UBE2W: variants seen among roughly 807,000 people sequenced by gnomAD.
UBE2W encodes ubiquitin-conjugating enzyme E2 W.
In UBE2W, 18 loss-of-function variants were observed where a neutral mutation model predicts 27.2. The observed-to-expected ratio is 0.66, with a 90% CI of 0.46 to 0.98. The LOEUF (loss-of-function observed/expected upper bound fraction) is 0.98, where lower values mean the gene tolerates loss of function less well. Ranked by LOEUF, UBE2W falls within the 50% of genes least tolerant of loss-of-function variation. The pLI, the probability that UBE2W is intolerant of heterozygous loss-of-function variation, is 0.00. For missense variants in UBE2W, 90 were observed against 180.2 expected, an observed-to-expected ratio of 0.50 and a Z score of 2.87; for synonymous variants, 53 against 57.2, an observed-to-expected ratio of 0.93 and a Z score of 0.33.
At chr8:73,854,446 G>A (rs1344589841) in intron 1 of UBE2W, among the ~76,000 whole-genome samples, 1 of 152,082 alleles carries the variant, frequency 6.6e-6, no homozygotes, top group Non-Finnish European at 1.5e-5. Context: ...TAGTCTCAAA[G>A]GAATAAACAT....
At chr8:73,816,551 G>A (rs1055690392) in intron 3 of UBE2W, among the ~76,000 whole-genome samples, 2 of 152,188 alleles carry the variant, frequency 1.3e-5, no homozygotes, top group Non-Finnish European at 2.9e-5. Flanking sequence ...TGAGGATGAA[G>A]AGGAAGGTAA....
At chr8:73,850,339 T>C (rs1811019702) in intron 1 of UBE2W, among the ~76,000 whole-genome samples, 1 of 152,156 alleles carries the variant, frequency 6.6e-6, no homozygotes, top group South Asian at 2.1e-4. Context: ...TGGCATTATC[T>C]AGTAAAACGG....
At chr8:73,819,589 C>T (rs1171536616) in intron 3 of UBE2W, among the ~76,000 whole-genome samples, 3 of 152,140 alleles carry the variant, frequency 2.0e-5, no homozygotes, top group Non-Finnish European at 4.4e-5. Flanking sequence ...AGAATATGTA[C>T]ATAGAAAGCT....
intron 3 of UBE2W, among the ~76,000 whole-genome samples, chr8:73,820,937 ACT>A (rs1809587533): frequency 6.6e-6 from 1 of 152,020 alleles, no homozygotes; most frequent in African/African-American, 2.4e-5. Context: ...ACAAAGGGAG[ACT>A]CTGTCTCCGC....
chr8:73,782,759 T>C (rs147606039), downstream of UBE2W, among the ~76,000 whole-genome samples: 2 of 152,338 alleles, frequency 1.3e-5, no homozygotes, highest in Non-Finnish European at 2.9e-5. Flanking sequence ...TGTGGACATA[T>C]GCTTTCTTTT....
chr8:73,807,682 T>C (rs574451722), intron 4 of UBE2W, among the ~76,000 whole-genome samples: 2 of 152,328 alleles, frequency 1.3e-5, no homozygotes, highest in South Asian at 2.1e-4. Flanking sequence ...TTGGTACTAC[T>C]AGAGCAGATA....
At chr8:73,868,566 G>T (rs1036508164) in intron 1 of UBE2W, among the ~76,000 whole-genome samples, 2 of 152,316 alleles carry the variant, frequency 1.3e-5, no homozygotes, top group South Asian at 2.1e-4. Context: ...GACACAAGTC[G>T]TGGGTAACCT....
chr8:73,812,977 C>A (rs1363798770), intron 3 of UBE2W, among the ~76,000 whole-genome samples: 3 of 147,410 alleles, frequency 2.0e-5, no homozygotes, highest in Non-Finnish European at 4.5e-5. Flanking sequence ...CGCACTCCAG[C>A]CTGGGCGACA....
At chr8:73,837,390 G>C (rs1014053693) in intron 1 of UBE2W, among the ~76,000 whole-genome samples, 2 of 152,102 alleles carry the variant, frequency 1.3e-5, no homozygotes, top group Non-Finnish European at 2.9e-5. Flanking sequence ...GTAAGTGTCT[G>C]TAATCCCAGC....
At chr8:73,860,348 T>C (rs1030715206) in intron 1 of UBE2W, among the ~76,000 whole-genome samples, 2 of 152,186 alleles carry the variant, frequency 1.3e-5, no homozygotes, top group Non-Finnish European at 2.9e-5. Context: ...TAGACAGCAA[T>C]GGAATCAGAG....
intron 2 of UBE2W, among the ~76,000 whole-genome samples, chr8:73,828,022 C>G (rs958801254): frequency 1.3e-5 from 2 of 152,148 alleles, no homozygotes; most frequent in Admixed American, 6.6e-5. Context: ...AGCCCAGTAG[C>G]TGCATTTTGT....
Position 73,802,517 on chromosome 8 carries a change from A to G in UBE2W, c.442+3134T>C, listed in dbSNP as rs546576535. Among the ~76,000 whole-genome samples, 4 of 152,342 alleles carry G rather than the reference A, an allele frequency of 2.6e-5. No homozygotes were observed. The South Asian group carries it at 6.2e-4, about 24-fold the overall frequency. On this transcript the variant is annotated intron_variant, in intron 5 of 5. Coordinates refer to ENST00000602593, the MANE Select transcript of UBE2W (RefSeq NM_018299.6). ...TAATTGAATGTTTAATTTCTTTGTG[A>G]TTCCTTTTAAATTCAGAAATTCTTC...
chr8:73,814,360 T>C (rs900729398), intron 3 of UBE2W, among the ~76,000 whole-genome samples: 2 of 152,334 alleles, frequency 1.3e-5, no homozygotes, highest in Admixed American at 6.5e-5. Flanking sequence ...AAAATAGTCA[T>C]ATGAACAGCC....
At chr8:73,829,187 TAA>T (rs1323043233) in intron 2 of UBE2W, among the ~76,000 whole-genome samples, 1 of 152,190 alleles carries the variant, frequency 6.6e-6, no homozygotes, top group East Asian at 1.9e-4. Flanking sequence ...TGTAAAAATT[TAA>T]AACAGTCCTT....
At chr8:73,802,898 C>A (rs1207794703) in intron 5 of UBE2W, among the ~76,000 whole-genome samples, 2 of 152,206 alleles carry the variant, frequency 1.3e-5, no homozygotes, top group East Asian at 3.8e-4. Context: ...TGGCGGGCGC[C>A]TGTAGTCCCA....
At position 73,789,104 on chromosome 8, in the gene UBE2W, G is replaced by C. The variant is rs893464074; in HGVS notation, c.*4998C>G. ...AACCCTAACTTCAACTTTCAGGATA[G>C]AGAGCTAAGTTTCAAGTACATGTCT... On this transcript the variant is annotated 3_prime_UTR_variant, in exon 6 of 6. Transcript: ENST00000602593. 7 of 985,040 alleles carry C rather than the reference G, an allele frequency of 7.1e-6. No individual in the cohort carries two copies. Among genetic ancestry groups the C allele is most frequent in the Non-Finnish European group, 8.4e-6 (7 of 829,856 alleles). The allele number at this position is 985,040 out of a possible 1,614,324, so 61.0% of individuals were successfully genotyped here.
At chr8:73,812,073 T>C (rs966589439) in intron 3 of UBE2W, among the ~76,000 whole-genome samples, 5 of 152,052 alleles carry the variant, frequency 3.3e-5, no homozygotes, top group African/African-American at 1.2e-4. Context: ...ATTTCAAATA[T>C]ATTAACTAAC....
At chr8:73,856,180 G>T (rs1054604921) in intron 1 of UBE2W, among the ~76,000 whole-genome samples, 2 of 151,910 alleles carry the variant, frequency 1.3e-5, no homozygotes, top group African/African-American at 4.8e-5. Context: ...TTACCATTTT[G>T]ATAACAAATA....
chr8:73,851,328 A>C (rs577270758), intron 1 of UBE2W, among the ~76,000 whole-genome samples: 5 of 152,216 alleles, frequency 3.3e-5, no homozygotes, highest in African/African-American at 9.6e-5. Flanking sequence ...AGACGGGTAA[A>C]GGCTAGAGAA....
Sources: allele counts gnomAD v4.1 joint callset (sites outside exome capture counted in the v4.1 genomes callset), GRCh38; gene constraint gnomAD v4.1.1; transcripts MANE v1.5; gene names NCBI Gene and HGNC (gene_info 2026-07-23, HGNC 2026-07-21).